Variants in EYA3 observed in about 807,000 individuals in gnomAD.
EYA3 encodes the protein EYA transcriptional coactivator and phosphatase 3, also known as protein phosphatase EYA3.
EYA3 carries 39 observed loss-of-function variants against 80.0 expected under a neutral mutation model. That is an observed-to-expected ratio of 0.49 (90% CI 0.38 to 0.64). The LOEUF (loss-of-function observed/expected upper bound fraction) is 0.64. Ranked by LOEUF, EYA3 falls within the 30% of genes least tolerant of loss-of-function variation. EYA3 has a pLI of 0.00. For synonymous variants in EYA3, 206 were observed against 232.8 expected (o/e 0.88, Z 1.05); for missense variants, 523 against 676.1 (o/e 0.77, Z 2.51).
Position 28,041,312 on chromosome 1 carries a change from G to A in EYA3, c.157+1259C>T, listed in dbSNP as rs541165337. 5.3e-5 allele frequency among the ~76,000 whole-genome samples: 8 copies of A among 152,110 alleles called. No homozygotes were observed. The East Asian group carries it at 9.7e-4, about 18-fold the overall frequency. ...CTGGGAGGCAGAGGTTGCAGTGAGCGGAGATCTTGCCATTGCATTCCAGCC... is the reference window on the plus strand; with the variant it reads ...CTGGGAGGCAGAGGTTGCAGTGAGCAGAGATCTTGCCATTGCATTCCAGCC... On this transcript the variant is annotated intron_variant, in intron 4 of 17. Transcript: ENST00000373871.
At position 27,971,712 on chromosome 1, in the gene EYA3, A is replaced by G. The variant is rs954958245; in HGVS notation, c.*2754T>C. Reference sequence around the variant, plus strand: ...TCTAATGAAGAGGGTCTCCCCCTTGATGAATGGACCCACAGTGTCCTTTGG... The same window carrying G: ...TCTAATGAAGAGGGTCTCCCCCTTGGTGAATGGACCCACAGTGTCCTTTGG... On this transcript the variant is annotated 3_prime_UTR_variant, in exon 18 of 18. Coordinates refer to ENST00000373871, the MANE Select transcript of EYA3 (RefSeq NM_001990.4). 4.6e-5 allele frequency: 7 copies of G among 151,310 alleles called. No individual in the cohort carries two copies. Among genetic ancestry groups the G allele is most frequent in the African/African-American group, 7.3e-5 (3 of 41,150 alleles). 9.4% of individuals were successfully genotyped at this position (151,310 alleles called of 1,614,324 possible). A position where few individuals can be genotyped will look rare whatever the true frequency, so the allele number is the denominator to read the frequency against.
intron 16 of EYA3, among the ~76,000 whole-genome samples, chr1:27,983,346 A>C (rs12124757): frequency 6.6e-6 from 1 of 152,220 alleles, no homozygotes; most frequent in Non-Finnish European, 1.5e-5. Flanking sequence ...TGTACACCTC[A>C]AACTTCATTA....
chr1:27,990,805 C>G (rs897289290), intron 14 of EYA3, among the ~76,000 whole-genome samples: 20 of 151,616 alleles, frequency 1.3e-4, no homozygotes, highest in Admixed American at 1.3e-4. Context: ...CCCACCTTGG[C>G]CTCCCAAACT....
chr1:28,010,559 A>G (rs1571790223), intron 10 of EYA3, among the ~76,000 whole-genome samples: 1 of 151,926 alleles, frequency 6.6e-6, no homozygotes, highest in African/African-American at 2.4e-5. Context: ...TTGTATATAT[A>G]TATTTTTAGA....
Position 27,974,449 on chromosome 1 carries a change from G to A in EYA3, c.*17C>T. On this transcript the variant is annotated 3_prime_UTR_variant, in exon 18 of 18. Coordinates refer to ENST00000373871, the MANE Select transcript of EYA3 (RefSeq NM_001990.4). Reference sequence around the variant, plus strand: ...GAGTGAAAAGGAGCTCAAGGGGAAGGCTCCTCATTCCAGTTCTTAGAGAAA... The same window carrying A: ...GAGTGAAAAGGAGCTCAAGGGGAAGACTCCTCATTCCAGTTCTTAGAGAAA... 6.2e-7 allele frequency: 1 copy of A among 1,605,946 alleles called. No individual in the cohort carries two copies. Among genetic ancestry groups the A allele is most frequent in the Non-Finnish European group, 8.5e-7 (1 of 1,173,742 alleles).
intron 16 of EYA3, among the ~76,000 whole-genome samples, chr1:27,984,654 A>T (rs1639531066): frequency 6.6e-6 from 1 of 152,206 alleles, no homozygotes; most frequent in African/African-American, 2.4e-5. Context: ...TCACTGCTGT[A>T]TTCCTAGTGC....
At position 28,063,303 on chromosome 1, in the gene EYA3, A is replaced by AT. The variant is rs1196504960; in HGVS notation, c.-68-5210dup. 1.6e-3 allele frequency among the ~76,000 whole-genome samples: 119 copies of AT among 75,308 alleles called. 1 individual carries two copies. The South Asian group carries it at 0.016, about 10-fold the overall frequency. The allele number at this position is 75,308 out of a possible 152,430, so 49.4% of individuals were successfully genotyped here. On this transcript the variant is annotated intron_variant, in intron 1 of 17. Transcript: ENST00000373871. ...TTTCCAAAGTGCCTTATATATATAT[A>AT]TATTTTTTTTTATTTTTAATTTTTT... is the stretch of plus-strand genomic sequence containing the variant.
chr1:28,006,642 G>A (rs964457510), intron 10 of EYA3, among the ~76,000 whole-genome samples: 2 of 152,076 alleles, frequency 1.3e-5, no homozygotes, highest in African/African-American at 4.8e-5. Context: ...GGAAGCGGAG[G>A]TTGCAGTGAG....
chr1:28,020,667 CGTGTGTGTGTGTGTGTGTGTGTGTGT>C (rs56017264), intron 7 of EYA3, among the ~76,000 whole-genome samples: 26,056 of 134,552 alleles, frequency 0.19, 2,934 homozygotes, highest in East Asian at 0.26. Flanking sequence ...TACAGATCAT[CGTGTGTGTGTGTGTGTGTGTGTGTGT>C]GTGTGTGTGT....
At position 28,067,748 on chromosome 1, in the gene EYA3, G is replaced by C. The variant is rs140970865; in HGVS notation, c.-68-9654C>G. Among the ~76,000 whole-genome samples the C allele has an allele frequency of 6.8e-3, 1,038 of 152,230 alleles. 4 individuals are homozygous for C. Among genetic ancestry groups the C allele is most frequent in the Non-Finnish European group, 0.012 (837 of 68,002 alleles). On this transcript the variant is annotated intron_variant, in intron 1 of 17. Coordinates refer to ENST00000373871, the MANE Select transcript of EYA3 (RefSeq NM_001990.4). ...TTTTACAGCTCTAAGCAAAAGCAAC[G>C]AACTTCCAATAGTTAAAGAATTTGC...
At chr1:28,075,902 A>G (rs1383241631) in intron 1 of EYA3, among the ~76,000 whole-genome samples, 1 of 152,212 alleles carries the variant, frequency 6.6e-6, no homozygotes, top group Non-Finnish European at 1.5e-5. Flanking sequence ...TTGATTTAAT[A>G]CCTTTAAAAA....
In EYA3 at chr1:28,025,973, G is replaced by A. The variant is rs374373534; in HGVS notation, c.499+1816C>T. ...GGGGTTTCTCCATGTTGGTCAGGCT[G>A]GTCTCCAACTCCCAACCTCAGGTGA... On this transcript the variant is annotated intron_variant, in intron 7 of 17. Transcript: ENST00000373871. Among the ~76,000 whole-genome samples the A allele has an allele frequency of 9.2e-5, 14 of 152,154 alleles. No individual in the cohort carries two copies. In the South Asian group the frequency reaches 2.7e-3, roughly 29 times the overall value.
intron 1 of EYA3, among the ~76,000 whole-genome samples, chr1:28,065,568 A>G (rs1426411982): frequency 6.6e-6 from 1 of 151,772 alleles, no homozygotes; most frequent in South Asian, 2.1e-4. Context: ...GCCCTACCGT[A>G]GATCTTAACA....
intron 5 of EYA3, among the ~76,000 whole-genome samples, chr1:28,038,460 AAAAAC>A (rs1321593888): frequency 1.4e-5 from 2 of 147,464 alleles, no homozygotes; most frequent in African/African-American, 2.6e-5. Flanking sequence ...AAAAAAAAAA[AAAAAC>A]CGAACACAGA....
At chr1:27,979,076 T>C (rs1239595186) in intron 16 of EYA3, among the ~76,000 whole-genome samples, 1 of 152,208 alleles carries the variant, frequency 6.6e-6, no homozygotes, top group Non-Finnish European at 1.5e-5. Flanking sequence ...ATAGGTTTAG[T>C]GACTTGCCCC....
intron 1 of EYA3, among the ~76,000 whole-genome samples, chr1:28,062,894 C>G (rs1012975320): frequency 6.6e-6 from 1 of 151,464 alleles, no homozygotes; most frequent in African/African-American, 2.4e-5. Context: ...TCCTGCTACT[C>G]AGGAGGCTGA....
At chr1:28,010,809 A>C in intron 10 of EYA3, 138 bp downstream of exon 10, 1 of 980,720 alleles carries the variant, frequency 1.0e-6, no homozygotes, top group Non-Finnish European at 1.5e-6. Context: ...TAACGTGGCC[A>C]ATTTAGTTTA....
chr1:28,048,941 T>A (rs12130967), intron 2 of EYA3, among the ~76,000 whole-genome samples: 1 of 152,158 alleles, frequency 6.6e-6, no homozygotes, highest in African/African-American at 2.4e-5. Flanking sequence ...TATTTCCTTC[T>A]GGGGAGAAGG....
At chr1:28,014,912 T>C (rs1019164037) in intron 8 of EYA3, among the ~76,000 whole-genome samples, 4 of 152,174 alleles carry the variant, frequency 2.6e-5, no homozygotes, top group Non-Finnish European at 4.4e-5. Flanking sequence ...AAAAATTCCA[T>C]TGACACTGAT....
Sources: allele counts gnomAD v4.1 joint callset (sites outside exome capture counted in the v4.1 genomes callset), GRCh38; gene constraint gnomAD v4.1.1; transcripts MANE v1.5; gene names NCBI Gene and HGNC (gene_info 2026-07-23, HGNC 2026-07-21).